The following SLC38A11 variants were observed in gnomAD, a reference collection of about 807,000 sequenced individuals.
SLC38A11 encodes putative sodium-coupled neutral amino acid transporter 11.
In SLC38A11, 51 loss-of-function variants were observed where a neutral mutation model predicts 49.4. The ratio of observed to expected loss-of-function variants is 1.03; its 90% CI spans 0.83 to 1.30. The LOEUF (loss-of-function observed/expected upper bound fraction) is 1.30. Among genes scored for constraint, SLC38A11 ranks in the 50% most tolerant of loss-of-function variants. The pLI, the probability that SLC38A11 is intolerant of heterozygous loss-of-function variation, is 0.00. For synonymous variants in SLC38A11, 203 were observed against 192.9 expected, an observed-to-expected ratio of 1.05 and a Z score of -0.43; for missense variants, 574 against 556.2, an observed-to-expected ratio of 1.03 and a Z score of -0.32.
At chr2:164,913,092 T>G (rs1263798234) in intron 9 of SLC38A11, among the ~76,000 whole-genome samples, 1 of 152,032 alleles carries the variant, frequency 6.6e-6, no homozygotes, top group Non-Finnish European at 1.5e-5. Context: ...ACCTCTGTAC[T>G]GTTTTTTTCA....
At chr2:164,934,867 G>C (rs1347254338) in intron 7 of SLC38A11, among the ~76,000 whole-genome samples, 2 of 152,008 alleles carry the variant, frequency 1.3e-5, no homozygotes, top group African/African-American at 2.4e-5. Context: ...GCTGAATACA[G>C]TACCAACATA....
intron 6 of SLC38A11, 144 bp from the exon 7 acceptor site, chr2:164,937,573 G>A (rs1687459100): frequency 1.7e-6 from 1 of 577,010 alleles, no homozygotes; most frequent in Non-Finnish European, 3.1e-6. Flanking sequence ...TTGCAGCTTG[G>A]TGTTGATAAT....
intron 7 of SLC38A11, among the ~76,000 whole-genome samples, chr2:164,933,400 T>C (rs963439679): frequency 6.6e-6 from 1 of 152,056 alleles, no homozygotes; most frequent in Admixed American, 6.6e-5. Flanking sequence ...ATACCATAAA[T>C]CTGAACATAA....
At chr2:164,933,099 T>C (rs1341639014) in intron 7 of SLC38A11, among the ~76,000 whole-genome samples, 1 of 152,100 alleles carries the variant, frequency 6.6e-6, no homozygotes, top group Non-Finnish European at 1.5e-5. Context: ...GACTCACTTT[T>C]TGGAATTTTG....
chr2:164,924,729 A>G (rs1445743995), intron 7 of SLC38A11, among the ~76,000 whole-genome samples: 4 of 151,702 alleles, frequency 2.6e-5, no homozygotes, highest in African/African-American at 9.7e-5. Context: ...TTTATTTATT[A>G]TTTATTATTT....
intron 10 of SLC38A11, 94 bp downstream of exon 10, chr2:164,911,542 G>A: frequency 3.7e-6 from 2 of 533,408 alleles, no homozygotes; most frequent in Non-Finnish European, 6.3e-6. Context: ...CATGCCCTTG[G>A]GAATTTGCCA....
At chr2:164,952,654 G>T in intron 3 of SLC38A11, 53 bp downstream of exon 3, 1 of 1,083,272 alleles carries the variant, frequency 9.2e-7, no homozygotes, top group South Asian at 1.2e-5. Context: ...GTGTATGTGT[G>T]TAGTTATTGC....
chr2:164,944,270 A>G (rs1365439015), intron 5 of SLC38A11, among the ~76,000 whole-genome samples: 3 of 152,244 alleles, frequency 2.0e-5, no homozygotes, highest in Non-Finnish European at 4.4e-5. Context: ...TAAATAGTAC[A>G]TGAAGAAATG....
In SLC38A11 at chr2:164,952,911, G is replaced by A. The variant is rs929008814; in HGVS notation, c.155-130C>T. On this transcript the variant is annotated intron_variant, in intron 2 of 11. Transcript: ENST00000685975. ...TACTTATATGACGTATTTGTAAGTT[G>A]CACATAGGACAGAATTAATATTAAA... 2.7e-4 allele frequency: 184 copies of A among 681,936 alleles called. No individual in the cohort carries two copies. The African/African-American group carries it at 3.1e-3, about 12-fold the overall frequency. 42.2% of individuals were successfully genotyped at this position (681,936 alleles called of 1,614,324 possible).
rs1684373919 is a variant in SLC38A11 at position 164,896,252 on chromosome 2, G to A, written c.*2185C>T. The A allele has an allele frequency of 6.6e-6, 1 of 152,044 alleles. No individual in the cohort carries two copies. The highest frequency in any genetic ancestry group is 2.4e-5 in the African/African-American group (1 of 41,414). The allele number at this position is 152,044 out of a possible 1,614,324, so 9.4% of individuals were successfully genotyped here. On this transcript the variant is annotated 3_prime_UTR_variant, in exon 12 of 12. Transcript: ENST00000685975. The stretch of plus-strand genomic sequence containing the variant: ...GGTAATCCGTGCAGCTAATAACTGG[G>A]TCATAAGCAGTCTTGTTCTACAGCT...
chr2:164,907,743 G>A (rs1349172079), intron 11 of SLC38A11, among the ~76,000 whole-genome samples: 1 of 152,098 alleles, frequency 6.6e-6, no homozygotes, highest in Non-Finnish European at 1.5e-5. Context: ...GGATCTTAAA[G>A]TTTTTGTAAA....
At chr2:164,954,149 G>A (rs1435029782) in intron 2 of SLC38A11, among the ~76,000 whole-genome samples, 1 of 151,920 alleles carries the variant, frequency 6.6e-6, no homozygotes, top group African/African-American at 2.4e-5. Flanking sequence ...GTATAGATAG[G>A]TAAAGAATGT....
chr2:164,902,033 CT>C lies in SLC38A11; in HGVS notation c.1096-3304del, dbSNP rs60476941. ...ATCATGTGTTTTTTGTTTTCTCTCT[CT>C]TTTTTTTTTTTTTTTTGGAGACAGG... is the stretch of plus-strand genomic sequence containing the variant. On this transcript the variant is annotated intron_variant, in intron 11 of 11. Transcript: ENST00000685975. 8.2e-3 allele frequency among the ~76,000 whole-genome samples: 1,091 copies of C among 133,266 alleles called. 7 individuals are homozygous for C. The highest frequency in any genetic ancestry group is 0.022 in the African/African-American group (795 of 36,382). The allele number at this position is 133,266 out of a possible 152,430, so 87.4% of individuals were successfully genotyped here.
chr2:164,950,248 T>C (rs1688431704), intron 3 of SLC38A11: 1 of 152,190 alleles, frequency 6.6e-6, no homozygotes, highest in Admixed American at 6.5e-5. Context: ...TTCTCCTCCT[T>C]GATTCTCATT....
rs534795121 is a variant in SLC38A11 at position 164,910,289 on chromosome 2, G to T, written c.963+1347C>A. 9.0e-4 allele frequency among the ~76,000 whole-genome samples: 137 copies of T among 152,190 alleles called. 2 individuals carry two copies. Among genetic ancestry groups the T allele is most frequent in the African/African-American group, 3.2e-3 (131 of 41,546 alleles). ...GAAGTTGTGCAGGTGAAGTGACTCA[G>T]ATCGTCTGCAGGCAGGCAGTTTACT... On this transcript the variant is annotated intron_variant, in intron 10 of 11. Coordinates refer to ENST00000685975, the MANE Select transcript of SLC38A11 (RefSeq NM_001351537.2).
Position 164,898,377 on chromosome 2 carries a change from A to G in SLC38A11, c.*60T>C. ...TATAACATAAATACAGACTAAAGCA[A>G]GCGTAAATGTTATGTGTTTTAAAGT... is the stretch of plus-strand genomic sequence containing the variant. On this transcript the variant is annotated 3_prime_UTR_variant, in exon 12 of 12. Transcript: ENST00000685975. 8.2e-7 allele frequency: 1 copy of G among 1,226,298 alleles called. No homozygotes were observed. The highest frequency in any genetic ancestry group is 1.2e-6 in the Non-Finnish European group (1 of 865,566). 76.0% of individuals were successfully genotyped at this position (1,226,298 alleles called of 1,614,324 possible).
intron 3 of SLC38A11, among the ~76,000 whole-genome samples, chr2:164,949,165 G>T (rs1574014164): frequency 1.3e-5 from 2 of 149,298 alleles, no homozygotes; most frequent in African/African-American, 4.9e-5. Context: ...ACTATAGCAG[G>T]ATTGCTATAT....
Position 164,911,644 on chromosome 2 carries a change from T to C in SLC38A11, c.955A>G (p.Thr319Ala). The change falls in exon 10 of 12, where the codon ACA (threonine) becomes GCA (alanine). Residue 319 changes from threonine (T) to alanine (A), a missense_variant. Transcript: ENST00000685975. ...ILTYPMECFV[T>A]REVIANVFFG... ...GAAGGAACCGCGCTTACCTCTCTTG[T>C]CACAAAGCATTCCATAGGGTATGTC... 1 of 1,584,242 alleles carries C rather than the reference T, an allele frequency of 6.3e-7. No homozygotes were observed. Among genetic ancestry groups the C allele is most frequent in the Non-Finnish European group, 8.6e-7 (1 of 1,162,146 alleles).
At chr2:164,900,409 TC>T (rs747342761) in intron 11 of SLC38A11, among the ~76,000 whole-genome samples, 35 of 152,224 alleles carry the variant, frequency 2.3e-4, no homozygotes, top group Non-Finnish European at 3.7e-4. Context: ...CAATGTACAT[TC>T]CCACCAGCAA....
Sources: gnomAD v4.1 joint callset for allele counts (sites outside exome capture counted in the v4.1 genomes callset) on GRCh38, gnomAD v4.1.1 for gene constraint, MANE v1.5 for transcripts, NCBI Gene and HGNC (gene_info 2026-07-23, HGNC 2026-07-21) for gene names.